VOPP1: variants seen among roughly 807,000 people sequenced by gnomAD.
VOPP1 encodes WW domain binding protein VOPP1.
VOPP1 carries 8 observed loss-of-function variants against 23.5 expected under a neutral mutation model. The observed-to-expected ratio is 0.34, with a 90% confidence interval of 0.20 to 0.61. The LOEUF is 0.61. VOPP1 is among the 20% of genes least tolerant of loss of function. The pLI, the probability that VOPP1 is intolerant of heterozygous loss-of-function variation, is 0.78. For missense variants in VOPP1, 174 were observed against 238.1 expected (o/e 0.73, Z 1.77); for synonymous variants, 83 against 97.3 (o/e 0.85, Z 0.86).
chr7:55,540,436 AAT>A (rs1409733433), intron 1 of VOPP1, among the ~76,000 whole-genome samples: 33 of 117,802 alleles, frequency 2.8e-4, no homozygotes, highest in African/African-American at 9.1e-4. Context: ...TAAATAAATA[AAT>A]AAATAAAAAT....
intron 1 of VOPP1, among the ~76,000 whole-genome samples, chr7:55,523,679 T>G (rs1796008384): frequency 6.6e-6 from 1 of 152,288 alleles, no homozygotes; most frequent in African/African-American, 2.4e-5. Context: ...CATTTCTCCT[T>G]TTTATAAAAC....
At chr7:55,447,642 T>C (rs200754868) in intron 4 of VOPP1, among the ~76,000 whole-genome samples, 2 of 152,364 alleles carry the variant, frequency 1.3e-5, no homozygotes, top group East Asian at 3.9e-4. Context: ...ACATATGCAT[T>C]TAATGCAGTA....
rs1049907731 is a variant in VOPP1 at position 55,552,838 on chromosome 7, G to A, written c.54+19433C>T. On this transcript the variant is annotated intron_variant, in intron 1 of 4. Coordinates refer to ENST00000285279, the MANE Select transcript of VOPP1 (RefSeq NM_030796.5). Reference sequence around the variant, plus strand: ...ACTCAGCCATGCTCAACCCAGAAAGGTGACGGAGCACTATGGCAACACAAC... The same window carrying A: ...ACTCAGCCATGCTCAACCCAGAAAGATGACGGAGCACTATGGCAACACAAC... The A allele has an allele frequency of 4.3e-5, 61 of 1,430,074 alleles. No individual in the cohort carries two copies. In the African/African-American group the frequency reaches 7.3e-4, roughly 17 times the overall value. 88.6% of individuals were successfully genotyped at this position (1,430,074 alleles called of 1,614,324 possible).
intron 1 of VOPP1, among the ~76,000 whole-genome samples, chr7:55,534,948 A>T (rs1254385920): frequency 1.3e-5 from 2 of 152,242 alleles, no homozygotes; most frequent in Non-Finnish European, 2.9e-5. Flanking sequence ...GGAGGCTGGC[A>T]TCAAAAGCCA....
chr7:55,445,368 G>A (rs1791077016), intron 4 of VOPP1, among the ~76,000 whole-genome samples: 2 of 151,962 alleles, frequency 1.3e-5, no homozygotes. Context: ...CACTTCATAT[G>A]CCTCTTCTAA....
chr7:55,543,110 T>C (rs564362949), intron 1 of VOPP1, among the ~76,000 whole-genome samples: 2 of 151,964 alleles, frequency 1.3e-5, no homozygotes, highest in East Asian at 3.9e-4. Flanking sequence ...AGAGACAGGG[T>C]TTCACCGTGT....
intron 4 of VOPP1, among the ~76,000 whole-genome samples, chr7:55,464,102 C>T (rs1293625070): frequency 6.6e-6 from 1 of 152,214 alleles, no homozygotes; most frequent in Non-Finnish European, 1.5e-5. Flanking sequence ...GGTTGATCCC[C>T]AGGCCCTCAG....
chr7:55,435,188 T>C (rs759713029), downstream of VOPP1, among the ~76,000 whole-genome samples: 25 of 152,188 alleles, frequency 1.6e-4, no homozygotes, highest in Non-Finnish European at 3.1e-4. Flanking sequence ...TTGAGCCCAC[T>C]ACGTTGCATG....
At chr7:55,551,770 T>A (rs1797615856) in intron 1 of VOPP1, among the ~76,000 whole-genome samples, 1 of 151,926 alleles carries the variant, frequency 6.6e-6, no homozygotes, top group Non-Finnish European at 1.5e-5. Flanking sequence ...CTGGGCGGGG[T>A]GGCTCACGCC....
At chr7:55,484,742 G>A (rs1198463081) in intron 4 of VOPP1, among the ~76,000 whole-genome samples, 4 of 152,196 alleles carry the variant, frequency 2.6e-5, no homozygotes, top group Non-Finnish European at 5.9e-5. Context: ...TGTAAAAGAC[G>A]TTTAGAATAC....
intron 1 of VOPP1, chr7:55,521,815 C>G: frequency 1.0e-6 from 1 of 984,008 alleles, no homozygotes. Flanking sequence ...GAGGCTCTCA[C>G]AAACCTCCAG....
At chr7:55,559,264 GCT>G (rs1325547925) in intron 1 of VOPP1, among the ~76,000 whole-genome samples, 5 of 152,174 alleles carry the variant, frequency 3.3e-5, no homozygotes, top group African/African-American at 1.2e-4. Context: ...ACTCTTGGCA[GCT>G]TCTCTGAATA....
chr7:55,529,226 G>A (rs111738805), intron 1 of VOPP1, among the ~76,000 whole-genome samples: 42 of 152,228 alleles, frequency 2.8e-4, no homozygotes, highest in Non-Finnish European at 4.9e-4. Context: ...AAAAATGGGC[G>A]TGGTGGCGCT....
At chr7:55,534,131 CT>C (rs10669665) in intron 1 of VOPP1, among the ~76,000 whole-genome samples, 68 of 140,120 alleles carry the variant, frequency 4.9e-4, no homozygotes, top group African/African-American at 9.4e-4. Flanking sequence ...TTTCATGTAG[CT>C]TTTTTTTTTT....
At position 55,572,325 on chromosome 7, in the gene VOPP1, G is replaced by A; in HGVS notation, c.-1C>T. 3 of 1,479,632 alleles carry A rather than the reference G, an allele frequency of 2.0e-6. No individual in the cohort carries two copies. Among genetic ancestry groups the A allele is most frequent in the Non-Finnish European group, 1.8e-6 (2 of 1,121,314 alleles). The allele number at this position is 1,479,632 out of a possible 1,614,324, so 91.7% of individuals were successfully genotyped here. On this transcript the variant is annotated 5_prime_UTR_variant, in exon 1 of 5. Transcript: ENST00000285279. ...CCACCTTCGCAGGCTGGCGCCTCAT[G>A]GCTCCTCGCGTCCTCTCCAGCGCGC... is the stretch of plus-strand genomic sequence containing the variant.
At chr7:55,547,174 C>T (rs889450650) in intron 1 of VOPP1, among the ~76,000 whole-genome samples, 8 of 152,184 alleles carry the variant, frequency 5.3e-5, no homozygotes, top group Admixed American at 4.6e-4. Flanking sequence ...ACTGTTCTCA[C>T]CTAATGCCAG....
intron 4 of VOPP1, among the ~76,000 whole-genome samples, chr7:55,448,575 G>C (rs1201992549): frequency 1.3e-5 from 2 of 152,140 alleles, no homozygotes; most frequent in African/African-American, 4.8e-5. Flanking sequence ...TCAGCTCCAC[G>C]CAGTCAGCCA....
At chr7:55,570,644 A>G (rs1798316233) in intron 1 of VOPP1, among the ~76,000 whole-genome samples, 1 of 152,188 alleles carries the variant, frequency 6.6e-6, no homozygotes, top group African/African-American at 2.4e-5. Context: ...TCAAGTGCCG[A>G]TTAAAAAAGA....
intron 2 of VOPP1, among the ~76,000 whole-genome samples, chr7:55,505,758 C>A (rs934070475): frequency 1.3e-5 from 2 of 150,806 alleles, no homozygotes; most frequent in Non-Finnish European, 2.9e-5. Context: ...TCATTCAAGT[C>A]AATGCTAAAG....
Sources: allele counts gnomAD v4.1 joint callset (sites outside exome capture counted in the v4.1 genomes callset), GRCh38; gene constraint gnomAD v4.1.1; transcripts MANE v1.5; gene names NCBI Gene and HGNC (gene_info 2026-07-23, HGNC 2026-07-21).